SKAP1: variants seen among roughly 807,000 people sequenced by gnomAD.
The protein encoded by SKAP1 is src kinase-associated phosphoprotein 1.
In SKAP1, 44 loss-of-function variants were observed where a neutral mutation model predicts 58.5. That is an observed-to-expected ratio of 0.75 (90% CI 0.59 to 0.97). The LOEUF (loss-of-function observed/expected upper bound fraction) is 0.97, where lower values mean the gene tolerates loss of function less well. Among genes scored for constraint, SKAP1 ranks in the 50% least tolerant of loss-of-function variants. SKAP1 has a pLI of 0.00. For missense variants in SKAP1, 390 were observed against 435.2 expected, an observed-to-expected ratio of 0.90 and a Z score of 0.92; for synonymous variants, 127 against 149.7, an observed-to-expected ratio of 0.85 and a Z score of 1.11.
intron 4 of SKAP1, among the ~76,000 whole-genome samples, chr17:48,225,272 A>C (rs893590860): frequency 2.0e-5 from 3 of 152,194 alleles, no homozygotes; most frequent in African/African-American, 7.2e-5. Context: ...GTGCTTACTC[A>C]ACATTTTAAA....
chr17:48,413,523 A>AAAATATATATATATATATATAT, intron 1 of SKAP1, among the ~76,000 whole-genome samples: 1 of 105,494 alleles, frequency 9.5e-6, no homozygotes, highest in Non-Finnish European at 1.9e-5. Flanking sequence ...TCAAAAAAAA[A>AAAATATATATATATATATATAT]ATATATATAT....
intron 2 of SKAP1, among the ~76,000 whole-genome samples, chr17:48,366,544 G>C (rs1161679224): frequency 6.6e-6 from 1 of 152,120 alleles, no homozygotes; most frequent in Non-Finnish European, 1.5e-5. Flanking sequence ...TATCAATGCA[G>C]GGGCATATGT....
intron 11 of SKAP1, chr17:48,156,425 G>C (rs371499614): frequency 2.9e-5 from 15 of 522,122 alleles, no homozygotes; most frequent in Non-Finnish European, 5.9e-5. Flanking sequence ...CGTATGAGGA[G>C]ACCTGCACCA....
At chr17:48,269,171 G>A (rs2065595160) in intron 4 of SKAP1, among the ~76,000 whole-genome samples, 1 of 152,060 alleles carries the variant, frequency 6.6e-6, no homozygotes, top group East Asian at 1.9e-4. Flanking sequence ...AATTCCACCT[G>A]AATTAAAGGT....
chr17:48,384,757 G>A (rs780028088), intron 2 of SKAP1, among the ~76,000 whole-genome samples: 2 of 152,170 alleles, frequency 1.3e-5, no homozygotes, highest in African/African-American at 2.4e-5. Flanking sequence ...CTGCTGAGTA[G>A]GCATCCAGCA....
chr17:48,153,476 C>T (rs208008), intron 11 of SKAP1, among the ~76,000 whole-genome samples: 134,825 of 152,208 alleles, frequency 0.89, 59,778 homozygotes, highest in Admixed American at 0.92. Context: ...CTCCTAACTC[C>T]GTTGCCTCCC....
chr17:48,221,934 T>C (rs1472356223), intron 4 of SKAP1, among the ~76,000 whole-genome samples: 3 of 152,186 alleles, frequency 2.0e-5, no homozygotes, highest in Non-Finnish European at 4.4e-5. Context: ...CTCCTCCTGA[T>C]GATAAAGGAG....
intron 4 of SKAP1, among the ~76,000 whole-genome samples, chr17:48,285,739 C>T (rs765284628): frequency 4.6e-5 from 7 of 152,126 alleles, no homozygotes; most frequent in Non-Finnish European, 8.8e-5. Context: ...TCATAACAGC[C>T]ATTATGTGCA....
At chr17:48,403,320 A>G (rs2067526221) in intron 1 of SKAP1, among the ~76,000 whole-genome samples, 1 of 152,040 alleles carries the variant, frequency 6.6e-6, no homozygotes, top group African/African-American at 2.4e-5. Context: ...GAGAGCGGTG[A>G]TTAACCCACT....
intron 2 of SKAP1, among the ~76,000 whole-genome samples, chr17:48,395,743 T>G (rs902857936): frequency 6.6e-6 from 1 of 152,210 alleles, no homozygotes; most frequent in African/African-American, 2.4e-5. Context: ...TGATGCTTAA[T>G]TAGCCAGCAG....
intron 2 of SKAP1, among the ~76,000 whole-genome samples, chr17:48,365,779 CTTTT>C (rs11320627): frequency 2.0e-4 from 28 of 139,610 alleles, no homozygotes; most frequent in Non-Finnish European, 2.5e-4. Context: ...TGCGTCGGAG[CTTTT>C]TTTTTTTTTT....
intron 1 of SKAP1, among the ~76,000 whole-genome samples, chr17:48,398,928 GGAGAATCACTT>G (rs1170928953): frequency 6.6e-6 from 1 of 152,162 alleles, no homozygotes; most frequent in Admixed American, 6.5e-5. Context: ...GGCTGAGGCA[GGAGAATCACTT>G]GAACCAGGGA....
intron 4 of SKAP1, among the ~76,000 whole-genome samples, chr17:48,190,774 A>C (rs1261555283): frequency 6.6e-6 from 1 of 152,124 alleles, no homozygotes; most frequent in Non-Finnish European, 1.5e-5. Context: ...TCACGAGGTC[A>C]GGAGTTTGAG....
At chr17:48,255,669 GT>G (rs1322922833) in intron 4 of SKAP1, among the ~76,000 whole-genome samples, 2 of 151,888 alleles carry the variant, frequency 1.3e-5, no homozygotes, top group African/African-American at 4.8e-5. Flanking sequence ...TATAGTTTTT[GT>G]TTTACAATCA....
intron 9 of SKAP1, among the ~76,000 whole-genome samples, chr17:48,172,963 C>T (rs1373953247): frequency 2.0e-5 from 3 of 152,030 alleles, no homozygotes; most frequent in Non-Finnish European, 4.4e-5. Flanking sequence ...ATCACTTGAG[C>T]CCAAGAGTTA....
chr17:48,267,343 A>C (rs2065564999), intron 4 of SKAP1, among the ~76,000 whole-genome samples: 1 of 152,232 alleles, frequency 6.6e-6, no homozygotes, highest in African/African-American at 2.4e-5. Flanking sequence ...ACAATCAAAA[A>C]ATAATGTTGA....
At chr17:48,155,285 G>T in intron 11 of SKAP1, among the ~76,000 whole-genome samples, 1 of 151,076 alleles carries the variant, frequency 6.6e-6, no homozygotes, top group East Asian at 2.1e-4. Flanking sequence ...GCGCCACCAT[G>T]CCTGGCTAAT....
At chr17:48,430,280 T>A, upstream of SKAP1, 1 of 418,794 alleles carries the variant, frequency 2.4e-6, no homozygotes, top group Non-Finnish European at 3.7e-6. Flanking sequence ...CCCGGGCGCG[T>A]CAGGAAGTGG....
At chr17:48,233,313 G>A (rs1432597447) in intron 4 of SKAP1, among the ~76,000 whole-genome samples, 1 of 152,098 alleles carries the variant, frequency 6.6e-6, no homozygotes, top group East Asian at 1.9e-4. Flanking sequence ...TGAGATTAAG[G>A]TGAAGGAGGG....
Sources: gnomAD v4.1 joint callset for allele counts (sites outside exome capture counted in the v4.1 genomes callset) on GRCh38, gnomAD v4.1.1 for gene constraint, MANE v1.5 for transcripts, NCBI Gene and HGNC (gene_info 2026-07-23, HGNC 2026-07-21) for gene names.